DAB1: variants seen among roughly 807,000 people sequenced by gnomAD.
DAB1 encodes disabled homolog 1.
In DAB1, 15 loss-of-function variants were observed where a neutral mutation model predicts 64.6. The ratio of observed to expected loss-of-function variants is 0.23; its 90% CI spans 0.16 to 0.36. DAB1 has a LOEUF of 0.36. Ranked by LOEUF, DAB1 falls within the 10% of genes least tolerant of loss-of-function variation. The pLI, the probability that DAB1 is intolerant of heterozygous loss-of-function variation, is 1.00. For missense variants in DAB1, 596 were observed against 706.7 expected (o/e 0.84, Z 1.78); for synonymous variants, 235 against 251.9 (o/e 0.93, Z 0.64).
chr1:57,969,354 A>G (rs77227400), intron 5 of DAB1, among the ~76,000 whole-genome samples: 1 of 152,022 alleles, frequency 6.6e-6, no homozygotes, highest in Non-Finnish European at 1.5e-5. Flanking sequence ...TTATATATAT[A>G]TTTTTTGAGA....
chr1:57,445,227 G>A (rs1686096361), intron 7 of DAB1, among the ~76,000 whole-genome samples: 1 of 151,660 alleles, frequency 6.6e-6, no homozygotes, highest in Non-Finnish European at 1.5e-5. Flanking sequence ...ACAAAAATAA[G>A]CATTTAAAAA....
At chr1:58,104,261 T>A (rs568324898) in intron 5 of DAB1, among the ~76,000 whole-genome samples, 1 of 152,322 alleles carries the variant, frequency 6.6e-6, no homozygotes, top group Non-Finnish European at 1.5e-5. Context: ...TTTATCAAAC[T>A]GAATTGGACA....
chr1:57,463,934 C>T (rs1438341180), intron 7 of DAB1, among the ~76,000 whole-genome samples: 1 of 152,146 alleles, frequency 6.6e-6, no homozygotes, highest in African/African-American at 2.4e-5. Context: ...TACATCTGGA[C>T]ATTGGAGACC....
chr1:57,695,299 GGAAAGAAAGAA>G (rs1646814421), intron 6 of DAB1, among the ~76,000 whole-genome samples: 12 of 37,186 alleles, frequency 3.2e-4, no homozygotes, highest in African/African-American at 8.1e-4. Context: ...GGAGAGAGAA[GGAAAGAAAGAA>G]AGAAAGAAAG....
At chr1:58,300,492 A>G (rs1343468994) in intron 4 of DAB1, among the ~76,000 whole-genome samples, 1 of 150,930 alleles carries the variant, frequency 6.6e-6, no homozygotes, top group Non-Finnish European at 1.5e-5. Flanking sequence ...GGTTGCAGTG[A>G]GCTGAGATCA....
chr1:58,489,450 C>T (rs1297740927), intron 3 of DAB1, among the ~76,000 whole-genome samples: 2 of 152,196 alleles, frequency 1.3e-5, no homozygotes, highest in Admixed American at 1.3e-4. Flanking sequence ...CTGGGAAGCT[C>T]GAACTGGGTG....
chr1:57,343,433 T>G (rs1677805920), intron 1 of DAB1, among the ~76,000 whole-genome samples: 1 of 152,154 alleles, frequency 6.6e-6, no homozygotes, highest in South Asian at 2.1e-4. Context: ...TGCCTGCCAG[T>G]CCCGCACCGT....
intron 5 of DAB1, among the ~76,000 whole-genome samples, chr1:58,105,218 A>T (rs1342155347): frequency 1.3e-5 from 2 of 152,224 alleles, no homozygotes; most frequent in African/African-American, 2.4e-5. Context: ...GGTGGTTAGC[A>T]ACAGTCATTT....
intron 9 of DAB1, among the ~76,000 whole-genome samples, chr1:57,053,901 G>A (rs1409267162): frequency 1.3e-5 from 2 of 151,688 alleles, no homozygotes; most frequent in African/African-American, 4.8e-5. Context: ...TGGCCAGGTT[G>A]GTCTTGAACT....
At chr1:58,104,699 ACAGATGAGAT>A (rs1474293991) in intron 5 of DAB1, among the ~76,000 whole-genome samples, 1 of 152,208 alleles carries the variant, frequency 6.6e-6, no homozygotes, top group East Asian at 1.9e-4. Flanking sequence ...TATGAGGGAG[ACAGATGAGAT>A]AGCTCACAAA....
At position 57,085,838 on chromosome 1, in the gene DAB1, T is replaced by G. The variant is rs1365830094; in HGVS notation, c.307-13424A>C. 3.3e-5 allele frequency among the ~76,000 whole-genome samples: 5 copies of G among 152,090 alleles called. No individual in the cohort carries two copies. The East Asian group carries it at 9.7e-4, about 29-fold the overall frequency. On this transcript the variant is annotated intron_variant, in intron 4 of 14. Transcript: ENST00000371236. ...ATTCACGGAGTGAATAAGTGAATAT[T>G]GTGTTTATGCAATAGTAAAGGCATA...
chr1:57,186,933 T>C (rs1401694045), intron 2 of DAB1, among the ~76,000 whole-genome samples: 1 of 152,172 alleles, frequency 6.6e-6, no homozygotes, highest in Non-Finnish European at 1.5e-5. Flanking sequence ...CCAGGCTAAT[T>C]CATTTCTATT....
rs185294908 is a variant in DAB1, at chr1:57,797,940, C to T, written n.551+86059G>A. On this transcript the variant is annotated intron_variant and non_coding_transcript_variant, in intron 6 of 20. Coordinates refer to the DAB1 transcript ENST00000485760. ...AGAAGACTATGATAATTACCGTCAT[C>T]GTTTATTATGTGCTTAGCATGTGCT... Among the ~76,000 whole-genome samples the T allele has an allele frequency of 1.8e-4, 27 of 152,298 alleles. No individual in the cohort carries two copies. In the East Asian group the frequency reaches 4.6e-3, roughly 26 times the overall value.
rs768905313 is a variant in DAB1, at chr1:58,367,130, T to C, written n.258-23727A>G. Among the ~76,000 whole-genome samples, 7 of 152,174 alleles carry C rather than the reference T, an allele frequency of 4.6e-5. No homozygotes were observed. In the East Asian group the frequency reaches 1.2e-3, roughly 25 times the overall value. On this transcript the variant is annotated intron_variant and non_coding_transcript_variant, in intron 3 of 20. Coordinates refer to the DAB1 transcript ENST00000485760. Reference sequence around the variant, plus strand: ...CTTCCAATATTATTCAGACAGTTAATATGAAGGGAATAAATACTTATTTAT... The same window carrying C: ...CTTCCAATATTATTCAGACAGTTAACATGAAGGGAATAAATACTTATTTAT...
chr1:58,171,239 G>C (rs1656159245), intron 4 of DAB1, among the ~76,000 whole-genome samples: 4 of 152,284 alleles, frequency 2.6e-5, no homozygotes, highest in African/African-American at 9.6e-5. Context: ...AGGACAATTT[G>C]GAAGGGTAAA....
At chr1:57,223,703 G>A (rs1241848587) in intron 2 of DAB1, among the ~76,000 whole-genome samples, 3 of 152,108 alleles carry the variant, frequency 2.0e-5, no homozygotes, top group Non-Finnish European at 4.4e-5. Context: ...TAGTGGATTC[G>A]CAGACAGCAG....
chr1:57,596,465 C>T (rs532504241), intron 7 of DAB1, among the ~76,000 whole-genome samples: 1 of 152,006 alleles, frequency 6.6e-6, no homozygotes, highest in East Asian at 1.9e-4. Context: ...TGTTTAATGG[C>T]TGTCTCTATT....
At chr1:57,661,942 G>A (rs1404060327) in intron 6 of DAB1, among the ~76,000 whole-genome samples, 1 of 151,988 alleles carries the variant, frequency 6.6e-6, no homozygotes, top group Non-Finnish European at 1.5e-5. Context: ...AGTGAGTTTT[G>A]GCCTCAGGAA....
chr1:57,047,002 C>A (rs12409369), intron 9 of DAB1, among the ~76,000 whole-genome samples: 33,458 of 152,100 alleles, frequency 0.22, 4,696 homozygotes, highest in Middle Eastern at 0.37. Context: ...GATATTTATG[C>A]CTATTGCCCT....
Sources: allele counts gnomAD v4.1 joint callset (sites outside exome capture counted in the v4.1 genomes callset), GRCh38; gene constraint gnomAD v4.1.1; transcripts MANE v1.5; gene names NCBI Gene and HGNC (gene_info 2026-07-23, HGNC 2026-07-21).